KCNQ1: variants seen among roughly 807,000 people sequenced by gnomAD.
KCNQ1 encodes the protein potassium voltage-gated channel subfamily Q member 1, also known as potassium voltage-gated channel subfamily KQT member 1.
A neutral mutation model predicts 72.4 loss-of-function variants in KCNQ1; 49 were observed. That is an observed-to-expected ratio of 0.68 (90% confidence interval 0.54 to 0.86). KCNQ1 has a LOEUF of 0.86. Among genes scored for constraint, KCNQ1 ranks in the 40% least tolerant of loss-of-function variants. The probability of loss-of-function intolerance (pLI) is 0.00; values close to 1 mark genes in which losing one functional copy is unlikely to be tolerated. For synonymous variants in KCNQ1, 450 were observed against 412.6 expected, an observed-to-expected ratio of 1.09 and a Z score of -1.10; for missense variants, 790 against 945.1, an observed-to-expected ratio of 0.84 and a Z score of 2.15.
chr11:2,645,952 G>A lies in KCNQ1; in HGVS notation c.1394-16009G>A, dbSNP rs1043106310. 1 of 398,432 alleles carries A rather than the reference G, an allele frequency of 2.5e-6. No homozygotes were observed. The highest frequency in any genetic ancestry group is 2.1e-5 in the African/African-American group (1 of 48,564). The allele number at this position is 398,432 out of a possible 1,614,324, so 24.7% of individuals were successfully genotyped here. A position where few individuals can be genotyped will look rare whatever the true frequency, so the allele number is the denominator to read the frequency against. ...CTCTTGTTAGTCTCAAGGCATCTAT[G>A]GGTCAGGGGGTTCTCTGACTAGGAT... On this transcript the variant is annotated intron_variant, in intron 10 of 15. Transcript: ENST00000155840. This position sits in a 1 kb window ranked among gnomAD's most constrained non-coding sequence, Gnocchi z 5.8.
chr11:2,759,712 G>T lies in KCNQ1; in HGVS notation c.1515-9132G>T, dbSNP rs1455990489. On this transcript the variant is annotated intron_variant, in intron 11 of 15. Coordinates refer to ENST00000155840, the MANE Select transcript of KCNQ1 (RefSeq NM_000218.3). The surrounding 1 kb of genome is among the most constrained non-coding windows in gnomAD (Gnocchi z 4.4). ...AAGGGGCCGAGAGCTTGTCCAGGCAGGGTGGATACAAGGGGCTTGCATCTG... is the reference window on the plus strand; with the variant it reads ...AAGGGGCCGAGAGCTTGTCCAGGCATGGTGGATACAAGGGGCTTGCATCTG... Among the ~76,000 whole-genome samples, 2 of 152,232 alleles carry T rather than the reference G, an allele frequency of 1.3e-5. No homozygotes were observed. The highest frequency in any genetic ancestry group is 3.2e-3 in the Middle Eastern group (1 of 316).
chr11:2,583,328 C>T, intron 6 of KCNQ1, 107 bp from the exon 7 acceptor site: 1 of 811,988 alleles, frequency 1.2e-6, no homozygotes, highest in Non-Finnish European at 2.2e-6. Context: ...TGGTCAGGGT[C>T]TCTTGCCGGC....
rs1846495391 is a variant in KCNQ1 at position 2,766,178 on chromosome 11, AT to A, written c.1515-2663del. 6.6e-6 allele frequency among the ~76,000 whole-genome samples: 1 copy of A among 152,136 alleles called. No homozygotes were observed. The highest frequency in any genetic ancestry group is 2.1e-4 in the South Asian group (1 of 4,830). On this transcript the variant is annotated intron_variant, in intron 11 of 15. Transcript: ENST00000155840. This position sits in a 1 kb window ranked among gnomAD's most constrained non-coding sequence, Gnocchi z 4.4. ...TCTTTTCATCTATTTTCTTGAACCTATTTATCATGGTTATTTTGAAGTCTTC... is the reference window on the plus strand; with the variant it reads ...TCTTTTCATCTATTTTCTTGAACCTATTATCATGGTTATTTTGAAGTCTTC...
At chr11:2,730,947 C>T (rs929344003) in intron 11 of KCNQ1, among the ~76,000 whole-genome samples, 18 of 152,194 alleles carry the variant, frequency 1.2e-4, no homozygotes, top group African/African-American at 3.9e-4. Context: ...AAATGAGAGC[C>T]CCGGCCCAGC....
intron 10 of KCNQ1, chr11:2,615,906 C>T (rs1201964929): frequency 5.0e-6 from 2 of 397,950 alleles, no homozygotes; most frequent in Non-Finnish European, 8.9e-6. Context: ...TTTTTCTCCT[C>T]TGTTTTTTGG....
chr11:2,661,065 G>A lies in KCNQ1; in HGVS notation c.1394-896G>A, dbSNP rs1212710734. On this transcript the variant is annotated intron_variant, in intron 10 of 15. Coordinates refer to ENST00000155840, the MANE Select transcript of KCNQ1 (RefSeq NM_000218.3). This position sits in a 1 kb window ranked among gnomAD's most constrained non-coding sequence, Gnocchi z 5.9. ...TATGTTACAGAGTGACAGGAACAGAGTCACAGTGACATCCCATGTGCATAA... is the reference window on the plus strand; with the variant it reads ...TATGTTACAGAGTGACAGGAACAGAATCACAGTGACATCCCATGTGCATAA... 1 of 398,480 alleles carries A rather than the reference G, an allele frequency of 2.5e-6. No homozygotes were observed. The highest frequency in any genetic ancestry group is 2.1e-5 in the African/African-American group (1 of 48,690). The allele number at this position is 398,480 out of a possible 1,614,324, so 24.7% of individuals were successfully genotyped here.
chr11:2,651,329 C>G lies in KCNQ1; in HGVS notation c.1394-10632C>G, dbSNP rs1228805202. 1 of 398,606 alleles carries G rather than the reference C, an allele frequency of 2.5e-6. No individual in the cohort carries two copies. Among genetic ancestry groups the G allele is most frequent in the Non-Finnish European group, 4.4e-6 (1 of 226,156 alleles). The allele number at this position is 398,606 out of a possible 1,614,324, so 24.7% of individuals were successfully genotyped here. A position where few individuals can be genotyped will look rare whatever the true frequency, so the allele number is the denominator to read the frequency against. On this transcript the variant is annotated intron_variant, in intron 10 of 15. Coordinates refer to ENST00000155840, the MANE Select transcript of KCNQ1 (RefSeq NM_000218.3). The surrounding 1 kb of genome is among the most constrained non-coding windows in gnomAD (Gnocchi z 6.1). ...GCTGCACAGAACACTCCTCAGAGTT[C>G]TACAAGCGGCTGAGAGAGCTGGGGT...
At position 2,620,115 on chromosome 11, in the gene KCNQ1, G is replaced by A. The variant is rs990372919; in HGVS notation, c.1393+31261G>A. Reference sequence around the variant, plus strand: ...TTGCAAGTGGTAACATGCAGTATTTGGTTTTCTGTTCCTGCATTAATTTGC... The same window carrying A: ...TTGCAAGTGGTAACATGCAGTATTTAGTTTTCTGTTCCTGCATTAATTTGC... On this transcript the variant is annotated intron_variant, in intron 10 of 15. Coordinates refer to ENST00000155840, the MANE Select transcript of KCNQ1 (RefSeq NM_000218.3). This position sits in a 1 kb window ranked among gnomAD's most constrained non-coding sequence, Gnocchi z 4.5. 5.3e-5 allele frequency: 21 copies of A among 397,480 alleles called. No individual in the cohort carries two copies. The highest frequency in any genetic ancestry group is 7.5e-5 in the Non-Finnish European group (17 of 225,914). The allele number at this position is 397,480 out of a possible 1,614,324, so 24.6% of individuals were successfully genotyped here.
In KCNQ1 at chr11:2,636,370, AT is replaced by A. The variant is rs1351966299; in HGVS notation, c.1394-25588del. 8 of 151,832 alleles carry A rather than the reference AT, an allele frequency of 5.3e-5. No individual in the cohort carries two copies. The East Asian group carries it at 1.5e-3, about 29-fold the overall frequency. 9.4% of individuals were successfully genotyped at this position (151,832 alleles called of 1,614,324 possible). Reference sequence around the variant, plus strand: ...TTGAGATACATCCCATCAATACCTAATTTATTGAGAGTTTTTAGCATGAAGG... The same window carrying A: ...TTGAGATACATCCCATCAATACCTAATTATTGAGAGTTTTTAGCATGAAGG... On this transcript the variant is annotated intron_variant, in intron 10 of 15. Coordinates refer to ENST00000155840, the MANE Select transcript of KCNQ1 (RefSeq NM_000218.3).
chr11:2,794,661 G>A (rs1252200147), intron 15 of KCNQ1, among the ~76,000 whole-genome samples: 2 of 152,174 alleles, frequency 1.3e-5, no homozygotes, highest in Non-Finnish European at 2.9e-5. Context: ...GCGTCAGGGA[G>A]TACACCGCCT....
rs143315941 is a variant in KCNQ1, at chr11:2,829,484, A to G, written c.1795-18283A>G. Among the ~76,000 whole-genome samples the G allele has an allele frequency of 1.2e-4, 19 of 152,342 alleles. No homozygotes were observed. In the East Asian group the frequency reaches 2.3e-3, roughly 19 times the overall value. ...AAACAAGAAGATGTAATCATAACAG[A>G]CCACAGGACACAGCTAAAAACAGTG... On this transcript the variant is annotated intron_variant, in intron 15 of 15. Coordinates refer to ENST00000155840, the MANE Select transcript of KCNQ1 (RefSeq NM_000218.3).
intron 2 of KCNQ1, among the ~76,000 whole-genome samples, chr11:2,546,439 C>A (rs1290040828): frequency 6.6e-6 from 1 of 151,826 alleles, no homozygotes; most frequent in Non-Finnish European, 1.5e-5. Context: ...CTATAAATGT[C>A]AATGAGACTA....
In KCNQ1 at chr11:2,818,313, C is replaced by T. The variant is rs1382640528; in HGVS notation, c.1795-29454C>T. Among the ~76,000 whole-genome samples, 1 of 152,210 alleles carries T rather than the reference C, an allele frequency of 6.6e-6. No individual in the cohort carries two copies. Among genetic ancestry groups the T allele is most frequent in the African/African-American group, 2.4e-5 (1 of 41,448 alleles). On this transcript the variant is annotated intron_variant, in intron 15 of 15. Coordinates refer to ENST00000155840, the MANE Select transcript of KCNQ1 (RefSeq NM_000218.3). The surrounding 1 kb of genome is among the most constrained non-coding windows in gnomAD (Gnocchi z 7.2). ...CTTCCCTTTCTGCAAAGTCACACCC[C>T]AAGCCCTGGCTTGAGCATGTACACA...
chr11:2,692,212 G>A, intron 11 of KCNQ1: 1 of 398,726 alleles, frequency 2.5e-6, no homozygotes, highest in Non-Finnish European at 4.4e-6. Flanking sequence ...CGATACACCC[G>A]CTTCCTCACC....
chr11:2,491,103 C>T lies in KCNQ1; in HGVS notation c.387-36825C>T, dbSNP rs199926531. Among the ~76,000 whole-genome samples the T allele has an allele frequency of 6.6e-6, 1 of 152,184 alleles. No individual in the cohort carries two copies. The highest frequency in any genetic ancestry group is 1.9e-4 in the East Asian group (1 of 5,192). ...CGGCTTAGATCACAACACCCAAGTC[C>T]CTTTGAATACCTGGAAAGCTTTACC... On this transcript the variant is annotated intron_variant, in intron 1 of 15. Transcript: ENST00000155840. The surrounding 1 kb of genome is among the most constrained non-coding windows in gnomAD (Gnocchi z 4.1).
chr11:2,656,641 T>C (rs1849853505), intron 10 of KCNQ1: 2 of 398,544 alleles, frequency 5.0e-6, no homozygotes, highest in Non-Finnish European at 8.8e-6. Context: ...ATTTTTCCTA[T>C]TGATTTGTAG....
chr11:2,749,997 G>A (rs1259566016), intron 11 of KCNQ1, among the ~76,000 whole-genome samples: 15 of 152,178 alleles, frequency 9.9e-5, no homozygotes, highest in Admixed American at 5.2e-4. Flanking sequence ...GGCTCTACAC[G>A]GCGCCCTGAG....
chr11:2,522,583 C>T (rs565833685), intron 1 of KCNQ1, among the ~76,000 whole-genome samples: 1 of 152,362 alleles, frequency 6.6e-6, no homozygotes, highest in East Asian at 1.9e-4. Context: ...AGATAAAACT[C>T]TTTTTATCTG....
Position 2,498,533 on chromosome 11 carries a change from C to T in KCNQ1, c.387-29395C>T, listed in dbSNP as rs751423586. Among the ~76,000 whole-genome samples the T allele has an allele frequency of 6.6e-5, 10 of 152,188 alleles. No homozygotes were observed. The highest frequency in any genetic ancestry group is 1.0e-4 in the Non-Finnish European group (7 of 68,036). ...CCTCAGTAATACCAAATGCCCCTCCCGCCACCAAGCTTGAGCATCCCAGGT... is the reference window on the plus strand; with the variant it reads ...CCTCAGTAATACCAAATGCCCCTCCTGCCACCAAGCTTGAGCATCCCAGGT... On this transcript the variant is annotated intron_variant, in intron 1 of 15. Transcript: ENST00000155840. The surrounding 1 kb of genome is among the most constrained non-coding windows in gnomAD (Gnocchi z 4.8).
Sources: gnomAD v4.1 joint callset for allele counts (sites outside exome capture counted in the v4.1 genomes callset) on GRCh38, gnomAD v4.1.1 for gene constraint, Gnocchi (gnomAD v3.1) non-coding constraint, MANE v1.5 for transcripts, NCBI Gene and HGNC (gene_info 2026-07-23, HGNC 2026-07-21) for gene names.